Variants in PREP observed in about 807,000 individuals in gnomAD.
PREP encodes dJ355L5.1 (prolyl endopeptidase).
A neutral mutation model predicts 87.6 loss-of-function variants in PREP; 29 were observed. That is an observed-to-expected ratio of 0.33 (90% CI 0.25 to 0.45). PREP has a LOEUF of 0.45. Ranked by LOEUF, PREP falls within the 20% of genes least tolerant of loss-of-function variation. The pLI, the probability that PREP is intolerant of heterozygous loss-of-function variation, is 1.00. For synonymous variants in PREP, 337 were observed against 328.6 expected (o/e 1.03, Z -0.28); for missense variants, 695 against 886.5 (o/e 0.78, Z 2.74).
At chr6:105,359,640 T>G (rs1406981134) in intron 6 of PREP, among the ~76,000 whole-genome samples, 1 of 152,150 alleles carries the variant, frequency 6.6e-6, no homozygotes, top group Non-Finnish European at 1.5e-5. Flanking sequence ...TGATGGGTGT[T>G]GGGAGCAGAC....
At chr6:105,353,689 T>C (rs1464936010) in intron 6 of PREP, among the ~76,000 whole-genome samples, 1 of 150,520 alleles carries the variant, frequency 6.6e-6, no homozygotes, top group Non-Finnish European at 1.5e-5. Flanking sequence ...GGAGAACTGC[T>C]TGAACCCAGG....
intron 2 of PREP, among the ~76,000 whole-genome samples, chr6:105,396,238 A>G (rs9480555): frequency 0.29 from 44,111 of 152,176 alleles, 8,096 homozygotes; most frequent in African/African-American, 0.53. Flanking sequence ...AGGATTGCAG[A>G]TAAAAGTAAA....
At chr6:105,314,106 T>C (rs1273029490) in intron 10 of PREP, among the ~76,000 whole-genome samples, 1 of 152,218 alleles carries the variant, frequency 6.6e-6, no homozygotes, top group Non-Finnish European at 1.5e-5. Context: ...TACAAAGCAA[T>C]AGCATTATGT....
chr6:105,308,036 G>A (rs537950620), intron 10 of PREP, among the ~76,000 whole-genome samples: 15 of 152,020 alleles, frequency 9.9e-5, no homozygotes, highest in African/African-American at 2.4e-4. Context: ...TATGGGGCAC[G>A]GTGACTTCTG....
chr6:105,326,444 G>C (rs1771161304), intron 9 of PREP, among the ~76,000 whole-genome samples: 1 of 152,200 alleles, frequency 6.6e-6, no homozygotes, highest in African/African-American at 2.4e-5. Flanking sequence ...TTGGGCTCAA[G>C]ATGTGTTTTC....
At chr6:105,361,028 C>T (rs575404832) in intron 6 of PREP, among the ~76,000 whole-genome samples, 4 of 152,084 alleles carry the variant, frequency 2.6e-5, no homozygotes, top group Non-Finnish European at 4.4e-5. Flanking sequence ...ACTAACATCT[C>T]AATATGGAAT....
intron 2 of PREP, among the ~76,000 whole-genome samples, chr6:105,383,226 A>C (rs990116192): frequency 6.6e-6 from 1 of 151,424 alleles, no homozygotes; most frequent in Non-Finnish European, 1.5e-5. Flanking sequence ...TCCAAGGCTA[A>C]TATCTATGCC....
Position 105,396,993 on chromosome 6 carries a change from G to A in PREP, c.120+860C>T, listed in dbSNP as rs1486729351. Among the ~76,000 whole-genome samples, 4 of 151,972 alleles carry A rather than the reference G, an allele frequency of 2.6e-5. No homozygotes were observed. In the East Asian group the frequency reaches 7.7e-4, roughly 29 times the overall value. The stretch of plus-strand genomic sequence containing the variant: ...GAGGCCAGGAGTTCGAGACCAGCCT[G>A]GCCAACATGGTGAAACCCCCGTCTC... On this transcript the variant is annotated intron_variant, in intron 2 of 14. Transcript: ENST00000652536.
intron 1 of PREP, among the ~76,000 whole-genome samples, chr6:105,398,600 C>T (rs1305240658): frequency 2.6e-5 from 4 of 152,068 alleles, no homozygotes; most frequent in African/African-American, 9.7e-5. Flanking sequence ...TTCAGGTTAC[C>T]ATGATATTGG....
At chr6:105,336,922 G>C (rs1383990458) in intron 7 of PREP, among the ~76,000 whole-genome samples, 1 of 151,950 alleles carries the variant, frequency 6.6e-6, no homozygotes, top group Non-Finnish European at 1.5e-5. Flanking sequence ...GGCTGTGTCT[G>C]ATTTCCTCCT....
At chr6:105,377,557 T>C (rs1395034798) in intron 2 of PREP, 38 bp from the exon 3 acceptor site, 5 of 1,601,422 alleles carry the variant, frequency 3.1e-6, no homozygotes, top group Non-Finnish European at 3.4e-6. Flanking sequence ...AAGTTAAATA[T>C]AAAATTTTCC....
intron 10 of PREP, among the ~76,000 whole-genome samples, chr6:105,292,288 A>G (rs76672401): frequency 0.017 from 2,652 of 152,326 alleles, 71 homozygotes; most frequent in African/African-American, 0.06. Flanking sequence ...TTCTCAAATA[A>G]TAAGACTTGA....
chr6:105,325,429 A>G (rs1771128420), intron 9 of PREP, among the ~76,000 whole-genome samples: 1 of 152,230 alleles, frequency 6.6e-6, no homozygotes, highest in African/African-American at 2.4e-5. Context: ...AATGAGTAGG[A>G]AATATACTCT....
intron 7 of PREP, among the ~76,000 whole-genome samples, chr6:105,349,292 A>T (rs559677492): frequency 2.6e-5 from 4 of 152,230 alleles, no homozygotes; most frequent in Non-Finnish European, 5.9e-5. Flanking sequence ...GCAGAGAACA[A>T]CAGAGACAGC....
intron 2 of PREP, among the ~76,000 whole-genome samples, chr6:105,377,722 C>A (rs1279788298): frequency 6.6e-6 from 1 of 152,180 alleles, no homozygotes; most frequent in African/African-American, 2.4e-5. Context: ...GTAGTAACAA[C>A]CAATGCTTAC....
rs1397469820 is a variant in PREP, at chr6:105,278,175, G to A, written c.2102C>T (p.Ala701Val). 1.9e-6 allele frequency: 3 copies of A among 1,613,266 alleles called. No individual in the cohort carries two copies. Among genetic ancestry groups the A allele is most frequent in the Non-Finnish European group, 2.5e-6 (3 of 1,179,446 alleles). Residue 701 changes from alanine to valine, a missense_variant, in exon 15 of 15, where the codon GCG (alanine) becomes GTG (valine). Around this residue, in one of 5 missense-constraint regions of PREP, gnomAD observed 121 missense variants for 154.8 expected, o/e 0.78. Transcript: ENST00000652536. This position sits in a 1 kb window ranked among gnomAD's most constrained non-coding sequence, Gnocchi z 4.2. ...AATCCAGTCGACGTTCAGGCACCGCGCGATGAACGCAAACATGTCTGAGAC... is the reference window on the plus strand; with the variant it reads ...AATCCAGTCGACGTTCAGGCACCGCACGATGAACGCAAACATGTCTGAGAC... ...EEVSDMFAFI[A>V]RCLNVDWIP is the part of the protein sequence containing the mutation.
intron 7 of PREP, among the ~76,000 whole-genome samples, chr6:105,338,652 G>A (rs975680912): frequency 6.6e-6 from 1 of 152,230 alleles, no homozygotes; most frequent in South Asian, 2.1e-4. Context: ...GGGAAGCCGT[G>A]ACAGACGGTA....
chr6:105,377,622 C>T, intron 2 of PREP, 103 bp from the exon 3 acceptor site: 1 of 1,242,108 alleles, frequency 8.1e-7, no homozygotes, highest in South Asian at 1.3e-5. Flanking sequence ...TGTCTCTTAG[C>T]CAGTGCCTCT....
intron 10 of PREP, among the ~76,000 whole-genome samples, chr6:105,321,014 C>T (rs1770990817): frequency 6.6e-6 from 1 of 152,208 alleles, no homozygotes; most frequent in African/African-American, 2.4e-5. Flanking sequence ...TGAATCTAAA[C>T]CACTGCACAA....
Sources: allele counts gnomAD v4.1 joint callset (sites outside exome capture counted in the v4.1 genomes callset), GRCh38; gene constraint gnomAD v4.1.1; regional missense constraint gnomAD v4.1.1; non-coding constraint Gnocchi (gnomAD v3.1); transcripts MANE v1.5; gene names NCBI Gene and HGNC (gene_info 2026-07-23, HGNC 2026-07-21).